Variants in PCDHA11 observed in about 807,000 individuals in gnomAD.
The protein encoded by PCDHA11 is protocadherin alpha-11.
PCDHA11 carries 61 observed loss-of-function variants against 70.3 expected under a neutral mutation model. The observed-to-expected ratio is 0.87, with a 90% CI of 0.71 to 1.07. The LOEUF is 1.07. Ranked by LOEUF, PCDHA11 falls within the 50% of genes least tolerant of loss-of-function variation. The probability of loss-of-function intolerance (pLI) is 0.00; values close to 1 mark genes in which losing one functional copy is unlikely to be tolerated. For synonymous variants in PCDHA11, 633 were observed against 555.1 expected (o/e 1.14, Z -1.97); for missense variants, 1,324 against 1,237.5 (o/e 1.07, Z -1.05).
At chr5:140,958,339 G>A (rs1177083248) in intron 1 of PCDHA11, among the ~76,000 whole-genome samples, 2 of 152,024 alleles carry the variant, frequency 1.3e-5, no homozygotes, top group African/African-American at 4.8e-5. Context: ...TAAATCACAG[G>A]AAGTTCACAG....
intron 1 of PCDHA11, among the ~76,000 whole-genome samples, chr5:140,964,284 A>C (rs190870993): frequency 6.6e-6 from 1 of 152,362 alleles, no homozygotes; most frequent in East Asian, 1.9e-4. Context: ...AGTAAATTCT[A>C]GCTGGAGCTA....
chr5:140,968,639 G>C (rs1278507600), intron 1 of PCDHA11: 1 of 1,614,032 alleles, frequency 6.2e-7, no homozygotes, highest in Non-Finnish European at 8.5e-7. Flanking sequence ...TTACCATCTA[G>C]CCCAGACTTC....
At chr5:140,876,133 GAACT>G (rs782651538) in intron 1 of PCDHA11, 8 of 1,613,820 alleles carry the variant, frequency 5.0e-6, no homozygotes, top group East Asian at 2.2e-5. Flanking sequence ...CGGTAAACCA[GAACT>G]AACAGGGTCT....
intron 3 of PCDHA11, among the ~76,000 whole-genome samples, chr5:141,001,477 A>T (rs2098020508): frequency 6.6e-6 from 1 of 152,176 alleles, no homozygotes; most frequent in South Asian, 2.1e-4. Flanking sequence ...AGCAGCGGGG[A>T]AGTGCTGGAA....
intron 1 of PCDHA11, among the ~76,000 whole-genome samples, chr5:140,922,818 C>T (rs530870255): frequency 6.6e-6 from 1 of 152,208 alleles, no homozygotes; most frequent in Admixed American, 6.5e-5. Flanking sequence ...GGAGATACAG[C>T]ATACTGCTAA....
At chr5:140,999,947 G>A (rs993598998) in intron 3 of PCDHA11, among the ~76,000 whole-genome samples, 1 of 152,110 alleles carries the variant, frequency 6.6e-6, no homozygotes, top group Non-Finnish European at 1.5e-5. Flanking sequence ...CACCCAAAGA[G>A]GGTGAAATAC....
chr5:141,006,067 A>G (rs1202024176), intron 3 of PCDHA11, among the ~76,000 whole-genome samples: 4 of 151,950 alleles, frequency 2.6e-5, no homozygotes, highest in Admixed American at 6.6e-5. Flanking sequence ...AGAAATAAAA[A>G]TCAGATTATT....
In PCDHA11 at chr5:140,870,942, G is replaced by T. The variant is rs782286042; in HGVS notation, c.1839G>T (p.Ala613=). The T allele has an allele frequency of 1.2e-6, 2 of 1,613,740 alleles. No individual in the cohort carries two copies. The highest frequency in any genetic ancestry group is 1.7e-6 in the Non-Finnish European group (2 of 1,179,890). The change falls in exon 1 of 4, where the codon GCG becomes GCT. Residue 613 remains alanine (A), a synonymous_variant. Transcript: ENST00000398640. ...GGCTTTCATATGAATTGCAGCCGGC[G>T]GCGGGCGGCTCGCGCATCCCGTTCC... ...NAWLSYELQP[A]AGGSRIPFRV...
chr5:140,888,811 T>C (rs187578319), intron 1 of PCDHA11, among the ~76,000 whole-genome samples: 124 of 152,270 alleles, frequency 8.1e-4, no homozygotes, highest in African/African-American at 1.8e-3. Context: ...CAGTGATCTG[T>C]GATCTGTGAT....
intron 1 of PCDHA11, among the ~76,000 whole-genome samples, chr5:140,938,925 CT>C (rs1316558463): frequency 2.0e-5 from 3 of 151,992 alleles, no homozygotes; most frequent in African/African-American, 7.2e-5. Flanking sequence ...AAGAAATTGG[CT>C]TTTAACTTTC....
At chr5:140,993,078 A>G (rs1373767899) in intron 3 of PCDHA11, among the ~76,000 whole-genome samples, 2 of 152,212 alleles carry the variant, frequency 1.3e-5, no homozygotes, top group Non-Finnish European at 2.9e-5. Flanking sequence ...GCAGTCTGCA[A>G]TCAGCAGGGC....
chr5:141,011,890 A>G lies in PCDHA11; in HGVS notation c.*1953A>G, dbSNP rs7701616. 0.061 allele frequency: 9,307 copies of G among 153,488 alleles called. 355 individuals carry two copies. The highest frequency in any genetic ancestry group is 0.11 in the South Asian group (541 of 4,828). The allele number at this position is 153,488 out of a possible 1,614,324, so 9.5% of individuals were successfully genotyped here. On this transcript the variant is annotated 3_prime_UTR_variant, in exon 4 of 4. Coordinates refer to ENST00000398640, the MANE Select transcript of PCDHA11 (RefSeq NM_018902.5). ...GTACAATTTAGAAGTTTGATTAATT[A>G]TATTATCTATTTAGGCATTAATATA... is the stretch of plus-strand genomic sequence containing the variant.
At chr5:140,983,513 C>G (rs893446292) in intron 3 of PCDHA11, among the ~76,000 whole-genome samples, 1 of 152,196 alleles carries the variant, frequency 6.6e-6, no homozygotes, top group South Asian at 2.1e-4. Flanking sequence ...TGCCTAGACA[C>G]TGTGCCAAGT....
rs1207415477 is a variant in PCDHA11 at position 140,980,276 on chromosome 5, T to C, written c.2450+1269T>C. 1.3e-5 allele frequency among the ~76,000 whole-genome samples: 2 copies of C among 152,224 alleles called. 1 individual carries two copies. The highest frequency in any genetic ancestry group is 2.9e-5 in the Non-Finnish European group (2 of 68,040). On this transcript the variant is annotated intron_variant, in intron 2 of 3. Transcript: ENST00000398640. ...AAAGCATGGTTTACAGTACCAACTC[T>C]TGAAAAGTACCAAAGCTATGAGTTG... is the stretch of plus-strand genomic sequence containing the variant.
At chr5:140,924,898 AAAAAAAAT>A (rs781900915) in intron 1 of PCDHA11, among the ~76,000 whole-genome samples, 16 of 53,028 alleles carry the variant, frequency 3.0e-4, no homozygotes, top group Non-Finnish European at 6.0e-4. Context: ...CTGTCTCAAA[AAAAAAAAT>A]AAAATAAAAT....
intron 1 of PCDHA11, among the ~76,000 whole-genome samples, chr5:140,873,074 C>G (rs2054074747): frequency 6.6e-6 from 1 of 152,140 alleles, no homozygotes; most frequent in Non-Finnish European, 1.5e-5. Flanking sequence ...TCATATCTAG[C>G]TATTTCCCCC....
intron 1 of PCDHA11, among the ~76,000 whole-genome samples, chr5:140,957,228 T>C (rs1189952927): frequency 6.6e-6 from 1 of 152,148 alleles, no homozygotes; most frequent in Non-Finnish European, 1.5e-5. Flanking sequence ...TGGCGAAGCA[T>C]TTTGGCATGT....
chr5:140,928,587 C>T, intron 1 of PCDHA11: 1 of 1,614,228 alleles, frequency 6.2e-7, no homozygotes. Flanking sequence ...ATGGTTCTGT[C>T]CCAGTGGAAA....
chr5:140,952,709 T>C (rs2094784758), intron 1 of PCDHA11, among the ~76,000 whole-genome samples: 1 of 152,208 alleles, frequency 6.6e-6, no homozygotes, highest in Non-Finnish European at 1.5e-5. Flanking sequence ...CCACTCTCAG[T>C]ATCAATTTTC....
Sources: allele counts gnomAD v4.1 joint callset (sites outside exome capture counted in the v4.1 genomes callset), GRCh38; gene constraint gnomAD v4.1.1; transcripts MANE v1.5; gene names NCBI Gene and HGNC (gene_info 2026-07-23, HGNC 2026-07-21).